Variants in EIF2S3 observed in about 807,000 individuals in gnomAD.
EIF2S3 encodes eukaryotic translation initiation factor 2 subunit 3.
EIF2S3 carries 2 observed loss-of-function variants against 31.7 expected under a neutral mutation model. The observed-to-expected ratio is 0.06, with a 90% CI of 0.03 to 0.20. The LOEUF is 0.20. EIF2S3 is among the 10% of genes least tolerant of loss of function. The pLI is 1.00. For missense variants in EIF2S3, 96 were observed against 359.3 expected (o/e 0.27, Z 5.92); for synonymous variants, 120 against 126.7 (o/e 0.95, Z 0.36).
chrX:24,073,679 C>A (rs1384635689), intron 11 of EIF2S3, among the ~76,000 whole-genome samples: 2 of 112,072 alleles, frequency 1.8e-5, no homozygotes, highest in African/African-American at 6.5e-5. Context: ...GGCGACAGAG[C>A]GAGACTCCGT....
Position 24,068,127 on chromosome X carries a change from T to C in EIF2S3, c.1012+19T>C, listed in dbSNP as rs758007522. 1 of 1,167,070 alleles carries C rather than the reference T, an allele frequency of 8.6e-7. No individual in the cohort carries two copies. Among genetic ancestry groups the C allele is most frequent in the East Asian group, 3.0e-5 (1 of 32,850 alleles). ...CTTATTGGTAAGGATTTTTTTCTCA[T>C]CTCTTTTAATTTGTGGCTATTTGTG... On this transcript the variant is annotated intron_variant, in intron 9 of 11. Coordinates refer to ENST00000253039, the MANE Select transcript of EIF2S3 (RefSeq NM_001415.4).
At chrX:24,069,003 A>G (rs1238617159) in intron 9 of EIF2S3, among the ~76,000 whole-genome samples, 3 of 111,935 alleles carry the variant, frequency 2.7e-5, no homozygotes, top group African/African-American at 9.7e-5. Context: ...TTGGTAAAGA[A>G]ACAGTTAATT....
rs182770580 is a variant in EIF2S3, at chrX:24,068,338, G to C, written c.1012+230G>C. ...AGGATACATTTTGATCAAATATAGA[G>C]TAACTCCTTTTTAGCAATATAAAAA... On this transcript the variant is annotated intron_variant, in intron 9 of 11. Transcript: ENST00000253039. Among the ~76,000 whole-genome samples, 7 of 111,621 alleles carry C rather than the reference G, an allele frequency of 6.3e-5. No homozygotes were observed. The East Asian group carries it at 1.1e-3, about 18-fold the overall frequency.
At chrX:24,058,536 CTTTTTTT>C (rs1183377998) in intron 4 of EIF2S3, among the ~76,000 whole-genome samples, 3 of 83,036 alleles carry the variant, frequency 3.6e-5, no homozygotes, top group East Asian at 3.6e-4. Flanking sequence ...TTTTTTCTTT[CTTTTTTT>C]TTTTTTTTTT....
intron 11 of EIF2S3, among the ~76,000 whole-genome samples, chrX:24,074,399 T>C (rs1930718157): frequency 8.9e-6 from 1 of 111,972 alleles, no homozygotes; most frequent in African/African-American, 3.2e-5. Flanking sequence ...TTTGTTAAGG[T>C]TAGTTTTGAC....
At chrX:24,072,991 G>T in intron 10 of EIF2S3, 100 bp from the exon 11 acceptor site, 1 of 920,880 alleles carries the variant, frequency 1.1e-6, no homozygotes, top group South Asian at 2.6e-5. Context: ...TTTTTTTTAT[G>T]ATTGACATAT....
At chrX:24,068,140 G>C (rs371667501) in intron 9 of EIF2S3, 32 bp downstream of exon 9, 122 of 1,144,512 alleles carry the variant, frequency 1.1e-4, no homozygotes, top group Non-Finnish European at 1.4e-4. Flanking sequence ...CTTTTAATTT[G>C]TGGCTATTTG....
chrX:24,056,854 G>C (rs547756923), intron 2 of EIF2S3, among the ~76,000 whole-genome samples: 2 of 111,602 alleles, frequency 1.8e-5, no homozygotes, highest in African/African-American at 6.5e-5. Context: ...AGGAGACCCT[G>C]TCTGTCCCAG....
chrX:24,070,779 G>A (rs996862733), intron 9 of EIF2S3, among the ~76,000 whole-genome samples: 11 of 111,761 alleles, frequency 9.8e-5, no homozygotes, highest in Non-Finnish European at 1.9e-4. Flanking sequence ...TCTTTCAGGG[G>A]AGAAATGGCA....
intron 7 of EIF2S3, among the ~76,000 whole-genome samples, chrX:24,065,731 A>G (rs969160386): frequency 4.5e-5 from 5 of 112,279 alleles, no homozygotes; most frequent in African/African-American, 1.6e-4. Flanking sequence ...AGATCATTAC[A>G]TATAGCTCTA....
chrX:24,057,038 A>G (rs944702937), intron 2 of EIF2S3, among the ~76,000 whole-genome samples: 5 of 111,452 alleles, frequency 4.5e-5, no homozygotes, highest in Non-Finnish European at 9.4e-5. Context: ...TTATTTATTT[A>G]TTTATTTATT....
At chrX:24,064,072 T>A (rs970616166) in intron 6 of EIF2S3, 129 bp from the exon 7 acceptor site, 3 of 558,873 alleles carry the variant, frequency 5.4e-6, no homozygotes, top group Non-Finnish European at 7.6e-6. Context: ...TTTCCACTTG[T>A]TGCTGACATT....
intron 8 of EIF2S3, among the ~76,000 whole-genome samples, chrX:24,066,765 C>T (rs1018963601): frequency 8.0e-5 from 9 of 111,942 alleles, no homozygotes; most frequent in African/African-American, 2.9e-4. Context: ...CCACCCGCCT[C>T]GGCCTCCCAA....
At chrX:24,075,316 C>T (rs1165285401) in intron 11 of EIF2S3, among the ~76,000 whole-genome samples, 2 of 110,783 alleles carry the variant, frequency 1.8e-5, no homozygotes, top group Admixed American at 1.9e-4. Flanking sequence ...TCTTAGGGTG[C>T]TGTTGCTTCT....
chrX:24,062,276 C>T (rs1369025357), intron 5 of EIF2S3, 140 bp from the exon 6 acceptor site: 1 of 582,534 alleles, frequency 1.7e-6, no homozygotes, highest in Non-Finnish European at 2.6e-6. Context: ...ACCCCATGCC[C>T]ATGAAGCGTC....
At chrX:24,062,819 G>A (rs757685675) in intron 6 of EIF2S3, among the ~76,000 whole-genome samples, 1 of 110,257 alleles carries the variant, frequency 9.1e-6, no homozygotes, top group Admixed American at 9.8e-5. Flanking sequence ...TTGTTTTCTG[G>A]AAACTTTATC....
intron 10 of EIF2S3, among the ~76,000 whole-genome samples, chrX:24,072,562 G>C (rs888408908): frequency 8.9e-6 from 1 of 111,945 alleles, no homozygotes; most frequent in Non-Finnish European, 1.9e-5. Flanking sequence ...GGATTAACAG[G>C]TGTGATCCAC....
chrX:24,062,735 T>C (rs915985291), intron 6 of EIF2S3, 161 bp downstream of exon 6: 12 of 462,963 alleles, frequency 2.6e-5, no homozygotes, highest in Non-Finnish European at 3.7e-5. Context: ...TAACCTGATA[T>C]AACTAATGAA....
At chrX:24,060,809 A>C (rs1254104817) in intron 5 of EIF2S3, among the ~76,000 whole-genome samples, 1 of 107,477 alleles carries the variant, frequency 9.3e-6, no homozygotes, top group Non-Finnish European at 1.9e-5. Context: ...TAAAAATACA[A>C]AATTAGCCGG....
Sources: gnomAD v4.1 joint callset for allele counts (sites outside exome capture counted in the v4.1 genomes callset) on GRCh38, gnomAD v4.1.1 for gene constraint, MANE v1.5 for transcripts, NCBI Gene and HGNC (gene_info 2026-07-23, HGNC 2026-07-21) for gene names.